CFAP96: variants seen among roughly 807,000 people sequenced by gnomAD.
CFAP96 encodes cilia-and flagella-associated protein 96.
chr4:185,449,522 T>TG, the CFAP96 span: 1 of 827,070 alleles, frequency 1.2e-6, no homozygotes, highest in Non-Finnish European at 1.8e-6. Context: ...GACCCGGTCT[T>TG]AAAAAAAAAA....
the CFAP96 span, among the ~76,000 whole-genome samples, chr4:185,427,051 A>G: frequency 6.8e-6 from 1 of 147,872 alleles, no homozygotes; most frequent in Non-Finnish European, 1.5e-5. Flanking sequence ...GGCAACAGAG[A>G]GAGACTCCGT....
the CFAP96 span, among the ~76,000 whole-genome samples, chr4:185,431,324 A>C: frequency 6.6e-6 from 1 of 152,194 alleles, no homozygotes; most frequent in East Asian, 1.9e-4. Context: ...CTCCTCAAAT[A>C]GAGCTCTCCT....
chr4:185,444,931 A>C, the CFAP96 span: 1 of 1,532,790 alleles, frequency 6.5e-7, no homozygotes, highest in Non-Finnish European at 8.8e-7. Context: ...CATTTTACAA[A>C]ATCACATTAA....
the CFAP96 span, among the ~76,000 whole-genome samples, chr4:185,423,385 G>A: frequency 6.6e-6 from 1 of 152,152 alleles, no homozygotes; most frequent in Non-Finnish European, 1.5e-5. Context: ...TACTGAGGGT[G>A]GGATATCAAC....
At chr4:185,440,747 A>G in the CFAP96 span, 2 of 939,416 alleles carry the variant, frequency 2.1e-6, no homozygotes, top group East Asian at 9.1e-5. Context: ...GGATGAAAAA[A>G]TTAAGTATTA....
At chr4:185,440,893 G>A in the CFAP96 span, among the ~76,000 whole-genome samples, 1 of 150,074 alleles carries the variant, frequency 6.7e-6, no homozygotes, top group African/African-American at 2.4e-5. Context: ...GAATAGTGTA[G>A]GGGATAATGA....
chr4:185,445,197 A>G, the CFAP96 span: 10 of 1,297,116 alleles, frequency 7.7e-6, no homozygotes, highest in Non-Finnish European at 9.6e-6. Context: ...TACTTCTTCA[A>G]AATAGTATCT....
At chr4:185,444,905 G>A in the CFAP96 span, 16 of 1,455,260 alleles carry the variant, frequency 1.1e-5, no homozygotes, top group Non-Finnish European at 1.5e-5. Flanking sequence ...TTCTTCACAA[G>A]CTAATTTTGT....
chr4:185,423,128 G>A, the CFAP96 span, among the ~76,000 whole-genome samples: 1 of 152,154 alleles, frequency 6.6e-6, no homozygotes, highest in Non-Finnish European at 1.5e-5. Context: ...CAAAGTGCTG[G>A]GATTGCAGGC....
chr4:185,417,047 T>C, the CFAP96 span, among the ~76,000 whole-genome samples: 5 of 152,106 alleles, frequency 3.3e-5, no homozygotes, highest in Non-Finnish European at 5.9e-5. Flanking sequence ...AGGGAAAAAA[T>C]AGTACCTTTA....
the CFAP96 span, chr4:185,445,164 G>A: frequency 3.3e-6 from 5 of 1,500,670 alleles, no homozygotes; most frequent in Admixed American, 4.5e-5. Flanking sequence ...TACAAACTAA[G>A]AAAAAATTGT....
At chr4:185,435,932 A>T in the CFAP96 span, 1 of 768,688 alleles carries the variant, frequency 1.3e-6, no homozygotes, top group Non-Finnish European at 2.0e-6. Flanking sequence ...AAATTAGATT[A>T]AAACTAGCAT....
chr4:185,426,173 T>C, the CFAP96 span: 499 of 455,760 alleles, frequency 1.1e-3, 7 homozygotes, highest in Middle Eastern at 0.014. Flanking sequence ...CCTCGTATCC[T>C]CCCACAGCGT....
At chr4:185,420,886 C>T in the CFAP96 span, among the ~76,000 whole-genome samples, 1 of 152,020 alleles carries the variant, frequency 6.6e-6, no homozygotes, top group Non-Finnish European at 1.5e-5. Flanking sequence ...ATCTGTAGTC[C>T]TTGTTTACAT....
At chr4:185,425,704 C>G in the CFAP96 span, among the ~76,000 whole-genome samples, 1 of 152,132 alleles carries the variant, frequency 6.6e-6, no homozygotes, top group Admixed American at 6.5e-5. Flanking sequence ...CGGCCCAGCG[C>G]GGAGACAGGC....
chr4:185,429,032 C>A, the CFAP96 span, among the ~76,000 whole-genome samples: 2 of 152,110 alleles, frequency 1.3e-5, no homozygotes, highest in South Asian at 2.1e-4. Context: ...TATAATACAC[C>A]GTACAGTAAT....
chr4:185,447,233 A>C, the CFAP96 span, among the ~76,000 whole-genome samples: 14 of 150,654 alleles, frequency 9.3e-5, no homozygotes, highest in African/African-American at 3.2e-4. Context: ...CCAGGCTGGA[A>C]TGCAGTGGCA....
chr4:185,415,776 TG>T, the CFAP96 span: 1 of 1,613,848 alleles, frequency 6.2e-7, no homozygotes, highest in Non-Finnish European at 8.5e-7. Context: ...ATTAACATAA[TG>T]GTGTCCTCCG....
At chr4:185,425,749 G>T in the CFAP96 span, 6 of 1,467,662 alleles carry the variant, frequency 4.1e-6, no homozygotes, top group African/African-American at 8.4e-5. Flanking sequence ...GCAGCTCGCA[G>T]CTGCCATCTT....
Sources: allele counts gnomAD v4.1 joint callset (sites outside exome capture counted in the v4.1 genomes callset), GRCh38; gene constraint gnomAD v4.1.1; transcripts MANE v1.5; gene names NCBI Gene and HGNC (gene_info 2026-07-23, HGNC 2026-07-21).